Variants in CCSER1 observed in about 807,000 individuals in gnomAD.
The protein encoded by CCSER1 is coiled-coil serine rich protein 1, also known as serine-rich coiled-coil domain-containing protein 1.
Under a neutral mutation model 82.0 loss-of-function variants are expected in CCSER1, and 41 were observed. The observed-to-expected ratio is 0.50, with a 90% CI of 0.39 to 0.65. The LOEUF is 0.65. Ranked by LOEUF, CCSER1 falls within the 30% of genes least tolerant of loss-of-function variation. The pLI is 0.00. For missense variants in CCSER1, 1,119 were observed against 1,064.2 expected (o/e 1.05, Z -0.72); for synonymous variants, 414 against 383.9 (o/e 1.08, Z -0.92).
intron 8 of CCSER1, among the ~76,000 whole-genome samples, chr4:90,884,262 T>C (rs1052435033): frequency 3.3e-5 from 5 of 152,166 alleles, no homozygotes; most frequent in Admixed American, 3.3e-4. Context: ...TAGTACATTC[T>C]ACAAAAGTAT....
At chr4:90,616,681 TCTCACA>T (rs1263584140) in intron 5 of CCSER1, among the ~76,000 whole-genome samples, 6 of 118,168 alleles carry the variant, frequency 5.1e-5, no homozygotes, top group East Asian at 2.5e-4. Context: ...TGTGGCTCTG[TCTCACA>T]CACACACACA....
intron 9 of CCSER1, among the ~76,000 whole-genome samples, chr4:90,938,364 T>C (rs1731206956): frequency 6.6e-6 from 1 of 152,062 alleles, no homozygotes; most frequent in East Asian, 1.9e-4. Flanking sequence ...AAAAAAAGTT[T>C]ATTAGAACTT....
intron 6 of CCSER1, among the ~76,000 whole-genome samples, chr4:90,645,553 C>A (rs1378613119): frequency 1.3e-5 from 2 of 152,018 alleles, no homozygotes; most frequent in South Asian, 2.1e-4. Context: ...TCAGATGGAA[C>A]AATCCTAATT....
chr4:90,904,087 G>A (rs796504082), intron 8 of CCSER1, among the ~76,000 whole-genome samples: 8 of 152,050 alleles, frequency 5.3e-5, no homozygotes, highest in African/African-American at 1.9e-4. Flanking sequence ...TTTTGAATTG[G>A]TTTTGTTTCT....
At chr4:91,549,574 A>C (rs144840103) in intron 10 of CCSER1, among the ~76,000 whole-genome samples, 47 of 152,074 alleles carry the variant, frequency 3.1e-4, no homozygotes, top group African/African-American at 1.0e-3. Flanking sequence ...AGGTGGCTCA[A>C]GTGTGTAATC....
chr4:91,588,007 G>A (rs1256976609), intron 10 of CCSER1, among the ~76,000 whole-genome samples: 1 of 151,298 alleles, frequency 6.6e-6, no homozygotes, highest in African/African-American at 2.4e-5. Flanking sequence ...GAAAATAATT[G>A]ACAATAAAAT....
intron 9 of CCSER1, among the ~76,000 whole-genome samples, chr4:90,932,968 A>AAGAAAGAAAGAAAGAG (rs1581131017): frequency 2.3e-5 from 1 of 44,126 alleles, no homozygotes; most frequent in East Asian, 4.8e-4. Context: ...GAAAGAAAGA[A>AAGAAAGAAAGAAAGAG]AGAAAGAAAG....
chr4:90,833,211 G>T (rs763284705), intron 8 of CCSER1, among the ~76,000 whole-genome samples: 6 of 152,142 alleles, frequency 3.9e-5, no homozygotes, highest in Non-Finnish European at 5.9e-5. Flanking sequence ...TTGTTGCTGC[G>T]CTGTGTCCTC....
chr4:90,389,501 C>T (rs1191546727), intron 3 of CCSER1, among the ~76,000 whole-genome samples: 1 of 152,178 alleles, frequency 6.6e-6, no homozygotes, highest in Non-Finnish European at 1.5e-5. Flanking sequence ...AACATGACAT[C>T]TCATTTCCTG....
chr4:90,968,303 G>C (rs1196288247), intron 9 of CCSER1, among the ~76,000 whole-genome samples: 1 of 152,070 alleles, frequency 6.6e-6, no homozygotes, highest in African/African-American at 2.4e-5. Flanking sequence ...CACTTATGAA[G>C]CTTGTGATAT....
At chr4:90,796,169 G>A (rs1755986311) in intron 7 of CCSER1, among the ~76,000 whole-genome samples, 1 of 151,984 alleles carries the variant, frequency 6.6e-6, no homozygotes, top group South Asian at 2.1e-4. Context: ...CAATTTCAGA[G>A]CTTATTATTC....
chr4:90,280,108 A>C, intron 1 of CCSER1, among the ~76,000 whole-genome samples: 1 of 152,068 alleles, frequency 6.6e-6, no homozygotes, highest in East Asian at 1.9e-4. Context: ...AATACTATAA[A>C]GAAAAAACAA....
intron 1 of CCSER1, among the ~76,000 whole-genome samples, chr4:90,306,424 A>T (rs370354852): frequency 6.6e-6 from 1 of 152,210 alleles, no homozygotes; most frequent in Non-Finnish European, 1.5e-5. Context: ...AAAAATATCA[A>T]AACATCACGT....
chr4:91,171,815 T>C (rs538014203), intron 10 of CCSER1, among the ~76,000 whole-genome samples: 4 of 152,172 alleles, frequency 2.6e-5, no homozygotes, highest in Admixed American at 2.6e-4. Flanking sequence ...TAACCTATGA[T>C]TCATAAAACT....
At chr4:90,724,512 AT>A (rs1015231714) in intron 7 of CCSER1, 3 of 175,630 alleles carry the variant, frequency 1.7e-5, no homozygotes, top group Admixed American at 6.0e-5. Context: ...GACTGGTGGC[AT>A]TTTTTTCACT....
intron 10 of CCSER1, among the ~76,000 whole-genome samples, chr4:91,471,984 AAAG>A (rs1319989759): frequency 2.7e-5 from 4 of 149,204 alleles, no homozygotes; most frequent in African/African-American, 4.9e-5. Context: ...AAAAAAAAAA[AAAG>A]AAAAAAAAGA....
Position 90,308,982 on chromosome 4 carries a change from A to C in CCSER1, c.698A>C (p.Asp233Ala). ...AGAGCTTCGCCATCCTGTTCTGTGGATGTAACAGAACGGGCAGGAAGCTCT... is the reference window on the plus strand; with the variant it reads ...AGAGCTTCGCCATCCTGTTCTGTGGCTGTAACAGAACGGGCAGGAAGCTCT... ...LVRASPSCSV[D>A]VTERAGSSLQ... is the part of the protein sequence containing the mutation. Residue 233 changes from aspartate (D) to alanine (A), a missense_variant, in exon 2 of 11, where the codon GAT (aspartate) becomes GCT (alanine). By Grantham distance (126) the Asp-to-Ala change is moderately radical. Transcript: ENST00000509176. 1 of 1,613,822 alleles carries C rather than the reference A, an allele frequency of 6.2e-7. No homozygotes were observed. The highest frequency in any genetic ancestry group is 8.5e-7 in the Non-Finnish European group (1 of 1,179,834).
chr4:90,221,288 C>T (rs887631837), intron 1 of CCSER1, among the ~76,000 whole-genome samples: 8 of 152,012 alleles, frequency 5.3e-5, no homozygotes, highest in African/African-American at 1.9e-4. Context: ...GTTATGTTCT[C>T]TTGATGCTTA....
chr4:90,481,201 G>C, intron 5 of CCSER1, among the ~76,000 whole-genome samples: 1 of 152,110 alleles, frequency 6.6e-6, no homozygotes, highest in East Asian at 1.9e-4. Flanking sequence ...GAATGCTTGT[G>C]ATTTTTGCAC....
Sources: gnomAD v4.1 joint callset for allele counts (sites outside exome capture counted in the v4.1 genomes callset) on GRCh38, gnomAD v4.1.1 for gene constraint, MANE v1.5 for transcripts, NCBI Gene and HGNC (gene_info 2026-07-23, HGNC 2026-07-21) for gene names.